CES5A: variants seen among roughly 807,000 people sequenced by gnomAD.
CES5A encodes the protein carboxylesterase 5.
In CES5A, 67 loss-of-function variants were observed where a neutral mutation model predicts 62.9. The ratio of observed to expected loss-of-function variants is 1.07; its 90% CI spans 0.88 to 1.31. CES5A has a LOEUF of 1.31. CES5A is among the 50% of genes most tolerant of loss of function. The pLI is 0.00. For missense variants in CES5A, 748 were observed against 708.5 expected (o/e 1.06, Z -0.63); for synonymous variants, 296 against 280.8 (o/e 1.05, Z -0.54).
intron 1 of CES5A, among the ~76,000 whole-genome samples, chr16:55,897,065 C>T (rs1210131159): frequency 1.3e-5 from 2 of 152,024 alleles, no homozygotes; most frequent in Non-Finnish European, 2.9e-5. Context: ...CCCGCATCCC[C>T]CCCATCCTCT....
intron 1 of CES5A, among the ~76,000 whole-genome samples, chr16:55,898,600 C>A (rs369336790): frequency 2.2e-4 from 33 of 152,302 alleles, no homozygotes; most frequent in African/African-American, 7.9e-4. Context: ...TTCCAACAGA[C>A]CAGGAAACTG....
intron 4 of CES5A, among the ~76,000 whole-genome samples, chr16:55,867,805 G>A (rs1375766507): frequency 6.6e-6 from 1 of 152,206 alleles, no homozygotes; most frequent in Admixed American, 6.5e-5. Flanking sequence ...GATAATGATA[G>A]TGCCCACTCC....
At chr16:55,868,886 A>G (rs2033524370) in intron 4 of CES5A, among the ~76,000 whole-genome samples, 5 of 152,212 alleles carry the variant, frequency 3.3e-5, no homozygotes, top group Admixed American at 3.3e-4. Flanking sequence ...AATGAGAATA[A>G]CAACAGAGAA....
rs141551468 is a variant in CES5A, at chr16:55,937,871, T to C, written c.160+11914A>G. Among the ~76,000 whole-genome samples the C allele has an allele frequency of 1.1e-3, 168 of 152,350 alleles. 4 individuals carry two copies. In the East Asian group the frequency reaches 0.031, roughly 28 times the overall value. On this transcript the variant is annotated intron_variant, in intron 2 of 13. Coordinates refer to the CES5A transcript ENST00000521992. ...ACTGTCTTGTGGTTGTAAGATTCCA[T>C]GCTCTTGACAACCATGCCAGGCACC...
intron 4 of CES5A, among the ~76,000 whole-genome samples, chr16:55,868,426 C>T (rs1452291893): frequency 1.3e-5 from 2 of 152,180 alleles, no homozygotes; most frequent in Non-Finnish European, 2.9e-5. Flanking sequence ...TTGCCAAGCA[C>T]ATGTTCTCTG....
rs550771820 is a variant in CES5A at position 55,897,880 on chromosome 16, C to T, written c.-255-23843G>A. Among the ~76,000 whole-genome samples, 12 of 152,284 alleles carry T rather than the reference C, an allele frequency of 7.9e-5. No individual in the cohort carries two copies. The South Asian group carries it at 1.2e-3, about 16-fold the overall frequency. On this transcript the variant is annotated intron_variant, in intron 1 of 12. Transcript: ENST00000518005. ...TGTGGTATATACATATAGTGGAACG[C>T]TATACAGCAATGAAAAAGAATGAAC...
At chr16:55,884,888 G>C (rs62039561) in intron 1 of CES5A, among the ~76,000 whole-genome samples, 1 of 152,018 alleles carries the variant, frequency 6.6e-6, no homozygotes, top group African/African-American at 2.4e-5. Context: ...CACTGTGCCC[G>C]GCCTTACCAC....
Position 55,859,455 on chromosome 16 carries a change from A to C in CES5A, c.1056+92T>G. On this transcript the variant is annotated intron_variant, in intron 8 of 12. Coordinates refer to ENST00000290567, the MANE Select transcript of CES5A (RefSeq NM_001143685.2). ...GCTGGTGGGCTCCAGCACTTACAAT[A>C]CCTGATGTCTTCTGTGGAAATGCCC... 3.1e-6 allele frequency: 4 copies of C among 1,306,188 alleles called. No homozygotes were observed. The South Asian group carries it at 5.5e-5, about 18-fold the overall frequency. The allele number at this position is 1,306,188 out of a possible 1,614,324, so 80.9% of individuals were successfully genotyped here. A position where few individuals can be genotyped will look rare whatever the true frequency, so the allele number is the denominator to read the frequency against.
At chr16:55,910,632 T>C (rs1432482177) in intron 1 of CES5A, among the ~76,000 whole-genome samples, 1 of 152,228 alleles carries the variant, frequency 6.6e-6, no homozygotes, top group African/African-American at 2.4e-5. Context: ...AAACCTTCCA[T>C]ATGCACGCAC....
chr16:55,891,357 C>A (rs2033875786), intron 1 of CES5A, among the ~76,000 whole-genome samples: 1 of 152,194 alleles, frequency 6.6e-6, no homozygotes, highest in Admixed American at 6.5e-5. Context: ...GAAAATCTTA[C>A]ATTCGAGTGC....
At position 55,943,963 on chromosome 16, in the gene CES5A, T is replaced by C. The variant is rs1281119756; in HGVS notation, c.160+5822A>G. 8 of 697,374 alleles carry C rather than the reference T, an allele frequency of 1.1e-5. No homozygotes were observed. The African/African-American group carries it at 1.4e-4, about 12-fold the overall frequency. The allele number at this position is 697,374 out of a possible 1,614,324, so 43.2% of individuals were successfully genotyped here. Reference sequence around the variant, plus strand: ...ATTCATCTTCTTCTGAAACCTCCCATATGAGCATTATCAGCCCAGGTATCC... The same window carrying C: ...ATTCATCTTCTTCTGAAACCTCCCACATGAGCATTATCAGCCCAGGTATCC... On this transcript the variant is annotated intron_variant, in intron 2 of 13. Transcript: ENST00000521992.
chr16:55,905,815 CA>C (rs1380105799), intron 1 of CES5A, among the ~76,000 whole-genome samples: 1 of 152,110 alleles, frequency 6.6e-6, no homozygotes, highest in Non-Finnish European at 1.5e-5. Flanking sequence ...CTCGTGATTA[CA>C]AAACTATACG....
intron 2 of CES5A, among the ~76,000 whole-genome samples, chr16:55,872,007 C>G (rs1187518437): frequency 6.6e-6 from 1 of 152,114 alleles, no homozygotes; most frequent in African/African-American, 2.4e-5. Flanking sequence ...AATAATTGCA[C>G]CATTACCCCC....
chr16:55,855,167 C>T (rs1165717136), intron 9 of CES5A, among the ~76,000 whole-genome samples: 2 of 152,258 alleles, frequency 1.3e-5, no homozygotes, highest in African/African-American at 4.8e-5. Flanking sequence ...GTCTTGTCAT[C>T]TCTGTCCACC....
intron 4 of CES5A, 105 bp from the exon 5 acceptor site, chr16:55,866,221 G>A: frequency 1.9e-6 from 2 of 1,074,868 alleles, no homozygotes; most frequent in East Asian, 2.6e-5. Flanking sequence ...GTGGGGAGGG[G>A]GCGGAGAGTC....
intron 1 of CES5A, among the ~76,000 whole-genome samples, chr16:55,923,998 T>A (rs2034234663): frequency 6.6e-6 from 1 of 151,806 alleles, no homozygotes; most frequent in Non-Finnish European, 1.5e-5. Context: ...TTCCCTAAGA[T>A]CTGGAATAAG....
At chr16:55,955,925 C>T (rs1399265743) in exon 1 of CES5A, 3 of 1,535,310 alleles carry the variant, frequency 2.0e-6, no homozygotes, top group Non-Finnish European at 2.6e-6. Context: ...CTCAGCATCC[C>T]AGCTGGCCTT....
chr16:55,879,735 T>C (rs2033742271), upstream of CES5A, among the ~76,000 whole-genome samples: 1 of 152,048 alleles, frequency 6.6e-6, no homozygotes, highest in African/African-American at 2.4e-5. Context: ...GGACTACAGG[T>C]GCACACCACC....
intron 1 of CES5A, among the ~76,000 whole-genome samples, chr16:55,917,346 G>A (rs149264232): frequency 2.0e-5 from 3 of 152,362 alleles, no homozygotes; most frequent in Non-Finnish European, 2.9e-5. Flanking sequence ...TTTTCTGTAA[G>A]TGAGAAATCT....
Sources: allele counts gnomAD v4.1 joint callset (sites outside exome capture counted in the v4.1 genomes callset), GRCh38; gene constraint gnomAD v4.1.1; transcripts MANE v1.5; gene names NCBI Gene and HGNC (gene_info 2026-07-23, HGNC 2026-07-21).